The following SERINC5 variants were observed in gnomAD, a reference collection of about 807,000 sequenced individuals.
The protein encoded by SERINC5 is chromosome 5 open reading frame 12.
A neutral mutation model predicts 63.1 loss-of-function variants in SERINC5; 41 were observed. The ratio of observed to expected loss-of-function variants is 0.65; its 90% CI spans 0.51 to 0.84. The LOEUF (loss-of-function observed/expected upper bound fraction) is 0.84. Among genes scored for constraint, SERINC5 ranks in the 40% least tolerant of loss-of-function variants. The probability of loss-of-function intolerance (pLI) is 0.00; values close to 1 mark genes in which losing one functional copy is unlikely to be tolerated. For synonymous variants in SERINC5, 222 were observed against 215.2 expected (o/e 1.03, Z -0.28); for missense variants, 523 against 573.0 (o/e 0.91, Z 0.89).
At chr5:80,234,877 G>T (rs1480735215) in intron 1 of SERINC5, among the ~76,000 whole-genome samples, 1 of 152,058 alleles carries the variant, frequency 6.6e-6, no homozygotes, top group Admixed American at 6.6e-5. Context: ...AACTAACACT[G>T]TTATCTTGGC....
chr5:80,169,678 G>A, intron 5 of SERINC5, 132 bp from the exon 6 acceptor site: 1 of 651,566 alleles, frequency 1.5e-6, no homozygotes, highest in Non-Finnish European at 2.7e-6. Context: ...GTACCCAGCT[G>A]CTCAGAAGAC....
At chr5:80,166,150 A>T (rs1371320693) in intron 7 of SERINC5, among the ~76,000 whole-genome samples, 1 of 152,058 alleles carries the variant, frequency 6.6e-6, no homozygotes, top group African/African-American at 2.4e-5. Flanking sequence ...TGTACAATTA[A>T]ATTTGACTAT....
At chr5:80,238,471 A>T (rs1459961951) in intron 1 of SERINC5, among the ~76,000 whole-genome samples, 2 of 152,132 alleles carry the variant, frequency 1.3e-5, no homozygotes, top group African/African-American at 2.4e-5. Context: ...AGATTTTATT[A>T]CAACAAAATA....
chr5:80,236,998 T>A (rs567048829), intron 1 of SERINC5, among the ~76,000 whole-genome samples: 1 of 151,900 alleles, frequency 6.6e-6, no homozygotes, highest in East Asian at 1.9e-4. Flanking sequence ...GCTAACTTTT[T>A]TGTATTTTGT....
At chr5:80,227,460 A>G (rs999780760) in intron 1 of SERINC5, among the ~76,000 whole-genome samples, 8 of 152,076 alleles carry the variant, frequency 5.3e-5, no homozygotes, top group Non-Finnish European at 1.0e-4. Flanking sequence ...AGCACACCTC[A>G]TAATAAAACT....
At chr5:80,236,413 G>A (rs1648099854) in intron 1 of SERINC5, among the ~76,000 whole-genome samples, 1 of 151,878 alleles carries the variant, frequency 6.6e-6, no homozygotes, top group Non-Finnish European at 1.5e-5. Flanking sequence ...TGAACTATAT[G>A]CACAAAAAAG....
chr5:80,173,468 C>A (rs975032945), intron 5 of SERINC5, among the ~76,000 whole-genome samples: 2 of 152,030 alleles, frequency 1.3e-5, no homozygotes, highest in African/African-American at 4.8e-5. Context: ...TGGTGGCAGG[C>A]GACTGTAGTC....
chr5:80,177,433 T>TA (rs780752709), intron 3 of SERINC5, 36 bp from the exon 4 acceptor site: 5 of 1,532,338 alleles, frequency 3.3e-6, no homozygotes, highest in Non-Finnish European at 3.6e-6. Flanking sequence ...GAAATGTATT[T>TA]AAATGACATT....
At chr5:80,254,688 ATTCTCT>A (rs1246632074) in intron 1 of SERINC5, among the ~76,000 whole-genome samples, 1 of 152,126 alleles carries the variant, frequency 6.6e-6, no homozygotes, top group Non-Finnish European at 1.5e-5. Context: ...GACCATTCTC[ATTCTCT>A]TTCTCTCTCT....
intron 1 of SERINC5, among the ~76,000 whole-genome samples, chr5:80,243,979 C>T (rs1357810574): frequency 6.6e-6 from 1 of 152,004 alleles, no homozygotes; most frequent in Non-Finnish European, 1.5e-5. Flanking sequence ...TACCCTTGGA[C>T]TCGATTTTGG....
chr5:80,140,021 T>C lies in SERINC5; in HGVS notation c.*3642A>G, dbSNP rs1004292316. 1.0e-5 allele frequency: 10 copies of C among 985,168 alleles called. No homozygotes were observed. The African/African-American group carries it at 1.7e-4, about 17-fold the overall frequency. The allele number at this position is 985,168 out of a possible 1,614,324, so 61.0% of individuals were successfully genotyped here. A position where few individuals can be genotyped will look rare whatever the true frequency, so the allele number is the denominator to read the frequency against. Reference sequence around the variant, plus strand: ...CCAATGATGGCAAAAATTAAATAAATACATCATCTTAAAAAGGCAGAGGGT... The same window carrying C: ...CCAATGATGGCAAAAATTAAATAAACACATCATCTTAAAAAGGCAGAGGGT... On this transcript the variant is annotated 3_prime_UTR_variant, in exon 12 of 12. Coordinates refer to ENST00000507668, the MANE Select transcript of SERINC5 (RefSeq NM_001174072.3).
chr5:80,243,818 G>A (rs1580215824), intron 1 of SERINC5, among the ~76,000 whole-genome samples: 1 of 151,832 alleles, frequency 6.6e-6, no homozygotes, highest in South Asian at 2.1e-4. Flanking sequence ...AGCAAAACCT[G>A]GATCTCTCCA....
downstream of SERINC5, among the ~76,000 whole-genome samples, chr5:80,137,144 A>AG (rs1203084920): frequency 8.5e-6 from 1 of 117,046 alleles, no homozygotes; most frequent in East Asian, 2.1e-4. Context: ...TGTCTCAAAA[A>AG]AAAAAAAAAA....
At chr5:80,252,514 C>T (rs1752476130) in intron 1 of SERINC5, among the ~76,000 whole-genome samples, 1 of 152,126 alleles carries the variant, frequency 6.6e-6, no homozygotes, top group South Asian at 2.1e-4. Flanking sequence ...TGACCACTCC[C>T]CTGTAATCTC....
At chr5:80,243,971 C>A (rs1347564341) in intron 1 of SERINC5, among the ~76,000 whole-genome samples, 2 of 151,942 alleles carry the variant, frequency 1.3e-5, no homozygotes, top group Non-Finnish European at 2.9e-5. Flanking sequence ...TGGAGGGCTA[C>A]CCTTGGACTC....
chr5:80,247,057 AT>A (rs1752199703), intron 1 of SERINC5, among the ~76,000 whole-genome samples: 1 of 152,226 alleles, frequency 6.6e-6, no homozygotes, highest in African/African-American at 2.4e-5. Flanking sequence ...GGTCTTTACA[AT>A]TAGGCAGGTA....
intron 1 of SERINC5, among the ~76,000 whole-genome samples, chr5:80,225,395 T>C (rs1244929291): frequency 6.6e-6 from 1 of 152,220 alleles, no homozygotes; most frequent in Non-Finnish European, 1.5e-5. Flanking sequence ...TGCAATACTT[T>C]ATAATGTTTA....
chr5:80,213,289 A>AT (rs1750520956), intron 1 of SERINC5, among the ~76,000 whole-genome samples: 1 of 151,974 alleles, frequency 6.6e-6, no homozygotes, highest in Non-Finnish European at 1.5e-5. Context: ...ATCCATCATA[A>AT]TATTAGTTAG....
chr5:80,113,373 G>A (rs962613642), intron 12 of SERINC5, among the ~76,000 whole-genome samples: 4 of 151,916 alleles, frequency 2.6e-5, no homozygotes, highest in East Asian at 1.9e-4. Context: ...CTTGACTCTC[G>A]TGTGGCTGAA....
Sources: gnomAD v4.1 joint callset for allele counts (sites outside exome capture counted in the v4.1 genomes callset) on GRCh38, gnomAD v4.1.1 for gene constraint, MANE v1.5 for transcripts, NCBI Gene and HGNC (gene_info 2026-07-23, HGNC 2026-07-21) for gene names.